TNIK: variants seen among roughly 807,000 people sequenced by gnomAD.
TNIK encodes TRAF2 and NCK interacting kinase, also known as TRAF2 and NCK-interacting protein kinase.
TNIK carries 49 observed loss-of-function variants against 191.3 expected under a neutral mutation model. That is an observed-to-expected ratio of 0.26 (90% CI 0.20 to 0.32). TNIK has a LOEUF of 0.32. Ranked by LOEUF, TNIK falls within the 10% of genes least tolerant of loss-of-function variation. TNIK has a pLI of 1.00. For missense variants in TNIK, 1,155 were observed against 1,702.3 expected (o/e 0.68, Z 5.66); for synonymous variants, 594 against 600.9 (o/e 0.99, Z 0.17).
At chr3:171,249,923 T>C (rs950766997) in intron 2 of TNIK, among the ~76,000 whole-genome samples, 2 of 152,184 alleles carry the variant, frequency 1.3e-5, no homozygotes, top group Admixed American at 1.3e-4. Context: ...CTTGTCAGGC[T>C]AAGGTTTTAC....
At chr3:171,360,061 AC>A in intron 2 of TNIK, among the ~76,000 whole-genome samples, 1 of 152,326 alleles carries the variant, frequency 6.6e-6, no homozygotes, top group East Asian at 1.9e-4. Flanking sequence ...AGTATTTTGG[AC>A]TAAAGCATTC....
chr3:171,110,092 G>T (rs578050855), intron 19 of TNIK, among the ~76,000 whole-genome samples: 5 of 152,096 alleles, frequency 3.3e-5, no homozygotes, highest in African/African-American at 1.2e-4. Flanking sequence ...TTTTAGTAGC[G>T]ATGGGGTTTC....
intron 2 of TNIK, among the ~76,000 whole-genome samples, chr3:171,286,992 C>T (rs1266967180): frequency 6.6e-6 from 1 of 152,062 alleles, no homozygotes; most frequent in Admixed American, 6.6e-5. Context: ...TATATGATGC[C>T]AAGTCTTTGG....
chr3:171,183,152 T>C (rs1163244726), intron 7 of TNIK, among the ~76,000 whole-genome samples: 3 of 152,174 alleles, frequency 2.0e-5, no homozygotes, highest in Admixed American at 6.5e-5. Flanking sequence ...ACAGGGACCA[T>C]GCAGGCATAA....
chr3:171,338,857 G>T (rs1029579746), intron 2 of TNIK, among the ~76,000 whole-genome samples: 1 of 152,010 alleles, frequency 6.6e-6, no homozygotes, highest in Non-Finnish European at 1.5e-5. Context: ...AGTGCAGAAG[G>T]TACTATTATT....
At chr3:171,084,973 A>G in intron 25 of TNIK, 145 bp downstream of exon 25, 1 of 592,784 alleles carries the variant, frequency 1.7e-6, no homozygotes, top group Non-Finnish European at 2.8e-6. Flanking sequence ...TCCTACAGAA[A>G]TAATAATTTT....
intron 1 of TNIK, among the ~76,000 whole-genome samples, chr3:171,372,328 T>A (rs1716613418): frequency 6.6e-6 from 1 of 152,202 alleles, no homozygotes; most frequent in South Asian, 2.1e-4. Flanking sequence ...TACTGGCAAC[T>A]GGCCTTGCAT....
At position 171,085,154 on chromosome 3, in the gene TNIK, C is replaced by A; in HGVS notation, c.2962G>T (p.Asp988Tyr). ...GATTCCTCATCCTCTTCATCTTCATCAGTGGGAGACGTCTGGTATACTCTG... is the reference window on the plus strand; with the variant it reads ...GATTCCTCATCCTCTTCATCTTCATAAGTGGGAGACGTCTGGTATACTCTG... ...DPRVYQTSPT[D>Y]EDEEDEESSA... Residue 988 changes from aspartate to tyrosine, a missense_variant, in exon 25 of 33, where the codon GAT becomes TAT. Physicochemically the swap from Asp to Tyr is radical, Grantham distance 160. Around this residue, in one of 3 missense-constraint regions of TNIK, gnomAD observed 735 missense variants for 848.0 expected, o/e 0.87. Transcript: ENST00000436636. The A allele has an allele frequency of 6.2e-7, 1 of 1,611,584 alleles. No individual in the cohort carries two copies. The highest frequency in any genetic ancestry group is 8.5e-7 in the Non-Finnish European group (1 of 1,178,946).
chr3:171,068,395 TCCAGTGTACCACA>T (rs1291020699), intron 30 of TNIK, among the ~76,000 whole-genome samples: 3 of 152,250 alleles, frequency 2.0e-5, no homozygotes, highest in African/African-American at 7.2e-5. Flanking sequence ...TGTGTCTGAC[TCCAGTGTACCACA>T]CTGCCCTCAA....
chr3:171,293,770 A>T (rs1239296325), intron 2 of TNIK, among the ~76,000 whole-genome samples: 3 of 152,224 alleles, frequency 2.0e-5, no homozygotes, highest in Non-Finnish European at 4.4e-5. Context: ...AATTCATAAA[A>T]AATAACTTGA....
At chr3:171,359,059 G>A (rs1259477625) in intron 2 of TNIK, among the ~76,000 whole-genome samples, 1 of 152,170 alleles carries the variant, frequency 6.6e-6, no homozygotes, top group Non-Finnish European at 1.5e-5. Flanking sequence ...GCACAACAAT[G>A]TGAATGTACT....
chr3:171,151,328 G>A lies in TNIK; in HGVS notation c.1221+6132C>T, dbSNP rs145749045. ...CAGTATTATAACAAATATTCTTCCC[G>A]AAGCATAGAAAGAAGCTTACCTATT... On this transcript the variant is annotated intron_variant, in intron 12 of 32. Transcript: ENST00000436636. Among the ~76,000 whole-genome samples the A allele has an allele frequency of 9.5e-4, 144 of 152,186 alleles. 1 individual carries two copies. The East Asian group carries it at 0.024, about 25-fold the overall frequency.
At chr3:171,091,514 G>A (rs1044777889) in intron 23 of TNIK, among the ~76,000 whole-genome samples, 8 of 152,036 alleles carry the variant, frequency 5.3e-5, no homozygotes, top group South Asian at 4.2e-4. Flanking sequence ...AGGTCAAGGC[G>A]GGCAGATTGC....
rs71634497 is a variant in TNIK at position 171,327,900 on chromosome 3, T to TAAAAAAAAAAAAAAAAAAAAAA, written c.123+41698_123+41719dup. Among the ~76,000 whole-genome samples, 14 of 79,630 alleles carry TAAAAAAAAAAAAAAAAAAAAAA rather than the reference T, an allele frequency of 1.8e-4. 1 individual carries two copies. The highest frequency in any genetic ancestry group is 8.9e-3 in the Middle Eastern group (1 of 112). 52.2% of individuals were successfully genotyped at this position (79,630 alleles called of 152,430 possible). Reference sequence around the variant, plus strand: ...ATCTGTGGCTCCCAAACCTGGCTCATAAAAAAAAAAAAAAAAAAAAAAAAA... The same window carrying TAAAAAAAAAAAAAAAAAAAAAA: ...ATCTGTGGCTCCCAAACCTGGCTCATAAAAAAAAAAAAAAAAAAAAAAAAAAAAAAAAAAAAAAAAAAAAAAA... On this transcript the variant is annotated intron_variant, in intron 2 of 32. Transcript: ENST00000436636.
chr3:171,160,881 G>C (rs752406866), intron 11 of TNIK, among the ~76,000 whole-genome samples: 11 of 152,160 alleles, frequency 7.2e-5, no homozygotes, highest in Non-Finnish European at 1.6e-4. Context: ...GCTTCTCAAA[G>C]GTGTGAAGTA....
intron 1 of TNIK, among the ~76,000 whole-genome samples, chr3:171,444,711 A>T (rs1325703219): frequency 6.6e-6 from 1 of 152,134 alleles, no homozygotes; most frequent in Non-Finnish European, 1.5e-5. Flanking sequence ...AAATATTAGT[A>T]AAAAAATTTT....
At chr3:171,232,687 GC>G (rs1743801951) in intron 2 of TNIK, among the ~76,000 whole-genome samples, 1 of 152,210 alleles carries the variant, frequency 6.6e-6, no homozygotes, top group African/African-American at 2.4e-5. Flanking sequence ...GGGAGGCAGA[GC>G]CTTGGGGTCA....
At chr3:171,457,128 A>G (rs1369557635) in intron 1 of TNIK, among the ~76,000 whole-genome samples, 1 of 152,248 alleles carries the variant, frequency 6.6e-6, no homozygotes, top group Non-Finnish European at 1.5e-5. Context: ...ACTGGATTCA[A>G]AGTACCTATT....
intron 12 of TNIK, among the ~76,000 whole-genome samples, chr3:171,141,674 A>G (rs959899067): frequency 1.3e-5 from 2 of 152,264 alleles, no homozygotes; most frequent in African/African-American, 4.8e-5. Flanking sequence ...TGCAAGGCAC[A>G]GGATTGTCAC....
Sources: gnomAD v4.1 joint callset for allele counts (sites outside exome capture counted in the v4.1 genomes callset) on GRCh38, gnomAD v4.1.1 for gene constraint, gnomAD v4.1.1 regional missense constraint, MANE v1.5 for transcripts, NCBI Gene and HGNC (gene_info 2026-07-23, HGNC 2026-07-21) for gene names.